Variants in COL25A1 observed in about 807,000 individuals in gnomAD.
The protein encoded by COL25A1 is collagen type XXV alpha 1 chain, also known as collagen alpha-1(XXV) chain.
Under a neutral mutation model 128.4 loss-of-function variants are expected in COL25A1, and 103 were observed. The ratio of observed to expected loss-of-function variants is 0.80; its 90% CI spans 0.68 to 0.94. The LOEUF (loss-of-function observed/expected upper bound fraction) is 0.94. COL25A1 is among the 40% of genes least tolerant of loss of function. COL25A1 has a pLI of 0.00. For synonymous variants in COL25A1, 279 were observed against 277.2 expected (o/e 1.01, Z -0.06); for missense variants, 745 against 840.0 (o/e 0.89, Z 1.40).
intron 3 of COL25A1, among the ~76,000 whole-genome samples, chr4:109,056,044 T>G (rs960896653): frequency 2.0e-5 from 3 of 152,202 alleles, no homozygotes; most frequent in Non-Finnish European, 2.9e-5. Flanking sequence ...TTAATCATAA[T>G]AAATAATAGG....
At chr4:109,153,465 C>T (rs1771719762) in intron 3 of COL25A1, among the ~76,000 whole-genome samples, 2 of 151,790 alleles carry the variant, frequency 1.3e-5, no homozygotes, top group African/African-American at 4.8e-5. Context: ...AGCACTTGCA[C>T]AGCTAGGTGC....
Position 109,301,762 on chromosome 4 carries a change from C to A in COL25A1, c.258G>T (p.Lys86Asn), listed in dbSNP as rs1252310826. 6.2e-7 allele frequency: 1 copy of A among 1,614,232 alleles called. No homozygotes were observed. Among genetic ancestry groups the A allele is most frequent in the East Asian group, 2.2e-5 (1 of 44,886 alleles). Residue 86 changes from lysine to asparagine, a missense_variant, in exon 2 of 38, where the codon AAG (lysine) becomes AAT (asparagine). Transcript: ENST00000399132. ...HLLPDTLDHL[K>N]TMVQEKVERL... ...GCTCCACTTTCTCTTGCACCATAGT[C>A]TTGAGGTGATCCAGGGTATCAGGCA...
intron 5 of COL25A1, among the ~76,000 whole-genome samples, chr4:109,036,319 G>A (rs1360225721): frequency 1.3e-5 from 2 of 152,144 alleles, no homozygotes; most frequent in Admixed American, 1.3e-4. Context: ...ATAAAACCCA[G>A]GGGATATAGT....
chr4:108,947,957 C>T (rs1748972087), intron 8 of COL25A1, among the ~76,000 whole-genome samples: 1 of 152,196 alleles, frequency 6.6e-6, no homozygotes, highest in Non-Finnish European at 1.5e-5. Flanking sequence ...CCAAGTCTCT[C>T]TTTAATGTAA....
At chr4:109,218,356 G>GTTTTTTTTTTTTTTTTTTTTTTTT (rs796441649) in intron 3 of COL25A1, among the ~76,000 whole-genome samples, 1 of 100,470 alleles carries the variant, frequency 1.0e-5, no homozygotes, top group African/African-American at 4.1e-5. Flanking sequence ...GGTTTTTTGG[G>GTTTTTTTTTTTTTTTTTTTTTTTT]GTTTTTTTTT....
At chr4:108,973,291 A>C (rs1373326695) in intron 8 of COL25A1, among the ~76,000 whole-genome samples, 1 of 152,240 alleles carries the variant, frequency 6.6e-6, no homozygotes, top group Non-Finnish European at 1.5e-5. Context: ...GTCATCAGCC[A>C]GAGTAACTGC....
intron 3 of COL25A1, among the ~76,000 whole-genome samples, chr4:109,268,578 T>C (rs1033406563): frequency 3.3e-5 from 5 of 152,116 alleles, no homozygotes; most frequent in Non-Finnish European, 5.9e-5. Flanking sequence ...AACAAAATAT[T>C]CTAAAATTAA....
chr4:108,908,489 G>A (rs1743798642), intron 13 of COL25A1, among the ~76,000 whole-genome samples: 1 of 152,160 alleles, frequency 6.6e-6, no homozygotes, highest in Non-Finnish European at 1.5e-5. Context: ...AGAGGAAGCT[G>A]TGTAACACGC....
At chr4:108,890,252 A>C (rs551992426) in intron 16 of COL25A1, among the ~76,000 whole-genome samples, 5 of 152,338 alleles carry the variant, frequency 3.3e-5, no homozygotes, top group Admixed American at 3.3e-4. Flanking sequence ...GCCACGCAGC[A>C]GATCAGTTTG....
intron 3 of COL25A1, among the ~76,000 whole-genome samples, chr4:109,127,257 A>G (rs1236842531): frequency 1.3e-5 from 2 of 152,202 alleles, no homozygotes; most frequent in African/African-American, 4.8e-5. Context: ...TTAAACATCT[A>G]TAAGGCGTAA....
chr4:108,894,460 C>T (rs1452666034), intron 16 of COL25A1, among the ~76,000 whole-genome samples: 1 of 151,738 alleles, frequency 6.6e-6, no homozygotes, highest in Non-Finnish European at 1.5e-5. Flanking sequence ...CCTGCAAGAC[C>T]CAGGAGCTAA....
At chr4:109,199,261 T>A (rs190768923) in intron 3 of COL25A1, among the ~76,000 whole-genome samples, 44 of 152,246 alleles carry the variant, frequency 2.9e-4, no homozygotes, top group Non-Finnish European at 4.4e-4. Context: ...CCCTGTCATG[T>A]CTTTATCACC....
intron 3 of COL25A1, among the ~76,000 whole-genome samples, chr4:109,171,127 C>T (rs1048851380): frequency 6.6e-6 from 1 of 152,028 alleles, no homozygotes; most frequent in Non-Finnish European, 1.5e-5. Flanking sequence ...AGTGAAAGGT[C>T]ACATGGGCAG....
intron 31 of COL25A1, among the ~76,000 whole-genome samples, chr4:108,835,243 A>G (rs1560720165): frequency 6.6e-6 from 1 of 152,228 alleles, no homozygotes; most frequent in Admixed American, 6.5e-5. Flanking sequence ...AAGTACAATT[A>G]TTTCTTTAAT....
At chr4:108,895,201 G>A (rs1404727435) in intron 16 of COL25A1, among the ~76,000 whole-genome samples, 1 of 151,892 alleles carries the variant, frequency 6.6e-6, no homozygotes, top group Non-Finnish European at 1.5e-5. Flanking sequence ...AATATTTGTG[G>A]GAAGAAAAAA....
At chr4:109,123,306 TA>T (rs199866850) in intron 3 of COL25A1, among the ~76,000 whole-genome samples, 14 of 147,072 alleles carry the variant, frequency 9.5e-5, no homozygotes, top group South Asian at 2.1e-4. Flanking sequence ...AGTGACTGCC[TA>T]AAAAAAAAAC....
chr4:109,186,751 TA>T (rs1300882421), intron 3 of COL25A1, among the ~76,000 whole-genome samples: 1 of 152,196 alleles, frequency 6.6e-6, no homozygotes, highest in Admixed American at 6.5e-5. Flanking sequence ...GTGAGAAGAA[TA>T]AACATTTACA....
intron 3 of COL25A1, among the ~76,000 whole-genome samples, chr4:109,102,248 A>G (rs1410992879): frequency 1.3e-5 from 2 of 152,102 alleles, no homozygotes; most frequent in African/African-American, 4.8e-5. Context: ...ATAAATATAT[A>G]TTTAATTACT....
At chr4:108,927,057 T>C (rs1460258087) in intron 11 of COL25A1, among the ~76,000 whole-genome samples, 1 of 152,090 alleles carries the variant, frequency 6.6e-6, no homozygotes, top group Non-Finnish European at 1.5e-5. Flanking sequence ...TTCAAGTCTT[T>C]CATGGATCCT....
Sources: gnomAD v4.1 joint callset for allele counts (sites outside exome capture counted in the v4.1 genomes callset) on GRCh38, gnomAD v4.1.1 for gene constraint, MANE v1.5 for transcripts, NCBI Gene and HGNC (gene_info 2026-07-23, HGNC 2026-07-21) for gene names.